MYLK4: variants seen among roughly 807,000 people sequenced by gnomAD.
The protein encoded by MYLK4 is caMLCK like.
A neutral mutation model predicts 48.1 loss-of-function variants in MYLK4; 46 were observed. The observed-to-expected ratio is 0.96, with a 90% CI of 0.75 to 1.22. The LOEUF (loss-of-function observed/expected upper bound fraction) is 1.22. MYLK4 is among the 50% of genes most tolerant of loss of function. The pLI is 0.00. For missense variants in MYLK4, 451 were observed against 486.1 expected (o/e 0.93, Z 0.68); for synonymous variants, 170 against 180.8 (o/e 0.94, Z 0.48).
chr6:2,761,958 C>T, the MYLK4 span, among the ~76,000 whole-genome samples: 292 of 152,296 alleles, frequency 1.9e-3, 2 homozygotes, highest in African/African-American at 5.8e-3. Context: ...TGTCGCCAGG[C>T]TGGAATGCAG....
intron 2 of MYLK4, among the ~76,000 whole-genome samples, chr6:2,693,750 A>C (rs919202074): frequency 7.9e-6 from 1 of 126,802 alleles, no homozygotes; most frequent in African/African-American, 2.9e-5. Context: ...ACAAATTGCA[A>C]ATGTGCTTTT....
chr6:2,760,598 G>T, the MYLK4 span, among the ~76,000 whole-genome samples: 1 of 151,956 alleles, frequency 6.6e-6, no homozygotes, highest in African/African-American at 2.4e-5. Context: ...AAATCCCACG[G>T]GATTCTGAAG....
At chr6:2,704,138 CTGAT>C (rs1212806151) in intron 2 of MYLK4, among the ~76,000 whole-genome samples, 2 of 152,206 alleles carry the variant, frequency 1.3e-5, no homozygotes, top group African/African-American at 2.4e-5. Flanking sequence ...ATGACAAACA[CTGAT>C]TGATTGACTG....
intron 6 of MYLK4, among the ~76,000 whole-genome samples, chr6:2,684,858 T>C (rs544105888): frequency 1.3e-5 from 2 of 152,204 alleles, no homozygotes; most frequent in Non-Finnish European, 2.9e-5. Context: ...AAGTAATGAC[T>C]GTACTCGGTT....
chr6:2,717,797 C>G (rs1159756401), intron 2 of MYLK4, among the ~76,000 whole-genome samples: 1 of 152,220 alleles, frequency 6.6e-6, no homozygotes, highest in East Asian at 1.9e-4. Flanking sequence ...GCTCTTTTCA[C>G]TGCTACATGC....
the MYLK4 span, chr6:2,766,231 TGGCGGGGGCC>T: frequency 1.5e-5 from 22 of 1,479,012 alleles, no homozygotes; most frequent in Non-Finnish European, 2.0e-5. Flanking sequence ...TCGGGGCCAG[TGGCGGGGGCC>T]GCCCGCACCC....
chr6:2,751,220 G>A (rs1764279885), upstream of MYLK4, among the ~76,000 whole-genome samples: 1 of 152,150 alleles, frequency 6.6e-6, no homozygotes, highest in African/African-American at 2.4e-5. Context: ...GATTATTTAA[G>A]TGCTCATTAA....
intron 12 of MYLK4, among the ~76,000 whole-genome samples, chr6:2,670,274 G>A (rs1453166227): frequency 1.3e-5 from 2 of 152,198 alleles, no homozygotes; most frequent in Admixed American, 1.3e-4. Context: ...GCTGAGGCAG[G>A]AGAATCGCTT....
At chr6:2,753,208 T>A, upstream of MYLK4, among the ~76,000 whole-genome samples, 1 of 152,144 alleles carries the variant, frequency 6.6e-6, no homozygotes, top group East Asian at 1.9e-4. Flanking sequence ...AAGGGACATT[T>A]CCATTAGCTG....
intron 2 of MYLK4, among the ~76,000 whole-genome samples, chr6:2,701,221 A>G (rs1762268493): frequency 6.6e-6 from 1 of 152,092 alleles, no homozygotes; most frequent in Non-Finnish European, 1.5e-5. Flanking sequence ...GACAGTTTTA[A>G]GAGCCTTCAT....
intron 2 of MYLK4, among the ~76,000 whole-genome samples, chr6:2,693,778 A>C (rs1761906670): frequency 7.8e-6 from 1 of 128,374 alleles, no homozygotes; most frequent in African/African-American, 3.0e-5. Flanking sequence ...TTTTTTTGAG[A>C]TGGAGTTTCG....
intron 12 of MYLK4, among the ~76,000 whole-genome samples, chr6:2,670,049 A>T (rs933363424): frequency 3.9e-5 from 6 of 152,210 alleles, no homozygotes; most frequent in African/African-American, 1.4e-4. Flanking sequence ...CCTCAGGCCC[A>T]GAAACATACC....
intron 2 of MYLK4, among the ~76,000 whole-genome samples, chr6:2,724,833 A>G (rs116418941): frequency 5.6e-4 from 85 of 152,302 alleles, no homozygotes; most frequent in African/African-American, 1.9e-3. Context: ...AAGAAGCACA[A>G]TTTTCTAAGT....
chr6:2,763,025 C>G, the MYLK4 span, among the ~76,000 whole-genome samples: 1 of 152,200 alleles, frequency 6.6e-6, no homozygotes, highest in African/African-American at 2.4e-5. Context: ...GTCTCCATCG[C>G]CAGCTCTAGC....
At chr6:2,747,601 T>C (rs1764142768) in intron 2 of MYLK4, among the ~76,000 whole-genome samples, 1 of 152,162 alleles carries the variant, frequency 6.6e-6, no homozygotes, top group Non-Finnish European at 1.5e-5. Flanking sequence ...GTGATTCTCT[T>C]GCCCCAGCCT....
intron 2 of MYLK4, among the ~76,000 whole-genome samples, chr6:2,714,393 G>T (rs1451309376): frequency 6.6e-6 from 1 of 152,210 alleles, no homozygotes; most frequent in Non-Finnish European, 1.5e-5. Flanking sequence ...GGGTTTGAAT[G>T]AGTGTAAATA....
chr6:2,766,234 C>T, the MYLK4 span: 20 of 1,466,484 alleles, frequency 1.4e-5, no homozygotes, highest in South Asian at 4.3e-5. Flanking sequence ...GGGCCAGTGG[C>T]GGGGGCCGCC....
the MYLK4 span, among the ~76,000 whole-genome samples, chr6:2,759,870 C>G: frequency 6.6e-6 from 1 of 152,156 alleles, no homozygotes; most frequent in African/African-American, 2.4e-5. Context: ...TGTCCTTTCA[C>G]ATTCCACTTT....
intron 2 of MYLK4, among the ~76,000 whole-genome samples, chr6:2,745,905 A>G (rs1764071000): frequency 4.1e-5 from 1 of 24,208 alleles, no homozygotes; most frequent in South Asian, 1.2e-3. Flanking sequence ...AGCCTGGGCG[A>G]CAGAGTGAGA....
Sources: gnomAD v4.1 joint callset for allele counts (sites outside exome capture counted in the v4.1 genomes callset) on GRCh38, gnomAD v4.1.1 for gene constraint, MANE v1.5 for transcripts, NCBI Gene and HGNC (gene_info 2026-07-23, HGNC 2026-07-21) for gene names.